Variants in ERBB4 observed in about 807,000 individuals in gnomAD.
ERBB4 encodes erb-b2 receptor tyrosine kinase 4.
In ERBB4, 42 loss-of-function variants were observed where a neutral mutation model predicts 158.0. That is an observed-to-expected ratio of 0.27 (90% CI 0.21 to 0.34). The LOEUF is 0.34. Among genes scored for constraint, ERBB4 ranks in the 10% least tolerant of loss-of-function variants. The pLI, the probability that ERBB4 is intolerant of heterozygous loss-of-function variation, is 1.00. For synonymous variants in ERBB4, 583 were observed against 558.7 expected (o/e 1.04, Z -0.61); for missense variants, 1,333 against 1,624.1 (o/e 0.82, Z 3.08).
At position 211,381,778 on chromosome 2, in the gene ERBB4, A is replaced by G; in HGVS notation, c.*1837T>C. On this transcript the variant is annotated 3_prime_UTR_variant, in exon 28 of 28. Transcript: ENST00000342788. The stretch of plus-strand genomic sequence containing the variant: ...TTAATAGATATTTTTACTCTAATTA[A>G]TTAATCTTATACTATTGATTCTAAT... 1 of 230,592 alleles carries G rather than the reference A, an allele frequency of 4.3e-6. No homozygotes were observed. The highest frequency in any genetic ancestry group is 5.6e-5 in the Admixed American group (1 of 17,722). The allele number at this position is 230,592 out of a possible 1,614,324, so 14.3% of individuals were successfully genotyped here. A position where few individuals can be genotyped will look rare whatever the true frequency, so the allele number is the denominator to read the frequency against.
intron 1 of ERBB4, among the ~76,000 whole-genome samples, chr2:212,127,397 C>T (rs2079968661): frequency 6.6e-6 from 1 of 152,130 alleles, no homozygotes; most frequent in Non-Finnish European, 1.5e-5. Flanking sequence ...TCGAGACCAT[C>T]CTGGTCAACA....
intron 1 of ERBB4, among the ~76,000 whole-genome samples, chr2:212,411,321 C>A (rs2091492317): frequency 6.6e-6 from 1 of 152,066 alleles, no homozygotes; most frequent in East Asian, 1.9e-4. Flanking sequence ...ATCTTAATAA[C>A]TTTTTTCTAC....
chr2:212,525,104 C>T (rs1190280720), intron 1 of ERBB4, among the ~76,000 whole-genome samples: 1 of 151,906 alleles, frequency 6.6e-6, no homozygotes, highest in Non-Finnish European at 1.5e-5. Context: ...AATATTAATC[C>T]TGGTATGGAA....
At chr2:211,867,382 C>T (rs2078236795) in intron 3 of ERBB4, among the ~76,000 whole-genome samples, 1 of 151,954 alleles carries the variant, frequency 6.6e-6, no homozygotes, top group Admixed American at 6.6e-5. Context: ...TAGATCTGCA[C>T]AAAGCAAAAT....
chr2:211,388,050 A>G (rs906075378), intron 25 of ERBB4, 58 bp from the exon 26 acceptor site: 19 of 1,325,306 alleles, frequency 1.4e-5, no homozygotes, highest in Non-Finnish European at 1.8e-5. Flanking sequence ...GAATGAAAAA[A>G]TTAAAAAAAG....
chr2:211,824,511 T>G (rs1009275775), intron 3 of ERBB4, among the ~76,000 whole-genome samples: 2 of 152,158 alleles, frequency 1.3e-5, no homozygotes, highest in African/African-American at 4.8e-5. Flanking sequence ...ATTACTTCTT[T>G]TTAAGTTAAA....
At chr2:212,489,030 CA>C (rs1479163668) in intron 1 of ERBB4, among the ~76,000 whole-genome samples, 1 of 150,138 alleles carries the variant, frequency 6.7e-6, no homozygotes, top group African/African-American at 2.5e-5. Context: ...GTATGGTAGG[CA>C]ATTGATAAAA....
chr2:212,497,215 T>C (rs941585427), intron 1 of ERBB4, among the ~76,000 whole-genome samples: 4 of 151,852 alleles, frequency 2.6e-5, no homozygotes, highest in African/African-American at 7.2e-5. Context: ...TTTTTAAAAG[T>C]TAAACAAATT....
chr2:211,705,141 G>C (rs1167940154), intron 10 of ERBB4, among the ~76,000 whole-genome samples, 177 bp downstream of exon 10: 1 of 151,924 alleles, frequency 6.6e-6, no homozygotes, highest in Non-Finnish European at 1.5e-5. Context: ...ATTTTTAGTA[G>C]AGACAGGGTT....
chr2:212,310,597 A>G (rs2086995605), intron 1 of ERBB4, among the ~76,000 whole-genome samples: 2 of 122,742 alleles, frequency 1.6e-5, no homozygotes, highest in Admixed American at 1.9e-4. Flanking sequence ...TTTGAGCTTC[A>G]TATATATGTA....
intron 2 of ERBB4, among the ~76,000 whole-genome samples, chr2:211,966,162 C>T (rs546632142): frequency 6.6e-6 from 1 of 152,080 alleles, no homozygotes; most frequent in Non-Finnish European, 1.5e-5. Context: ...TGCAGTGAGC[C>T]GTTTTCACGC....
chr2:212,057,790 G>A (rs1357596055), intron 2 of ERBB4, among the ~76,000 whole-genome samples: 4 of 152,134 alleles, frequency 2.6e-5, no homozygotes, highest in Admixed American at 2.0e-4. Flanking sequence ...AGTGTGTAGA[G>A]GGAAATTTAT....
At chr2:211,570,863 T>C (rs2067703930) in intron 19 of ERBB4, among the ~76,000 whole-genome samples, 1 of 152,116 alleles carries the variant, frequency 6.6e-6, no homozygotes, top group African/African-American at 2.4e-5. Context: ...CAAATTACTC[T>C]GGAAAATGTC....
intron 2 of ERBB4, among the ~76,000 whole-genome samples, chr2:211,962,690 G>A (rs770079628): frequency 6.6e-6 from 1 of 152,174 alleles, no homozygotes; most frequent in African/African-American, 2.4e-5. Flanking sequence ...GCGGAAGGCA[G>A]TGAATACAAA....
intron 3 of ERBB4, among the ~76,000 whole-genome samples, chr2:211,816,540 C>CAAA (rs34323414): frequency 0.03 from 1,964 of 65,866 alleles, 62 homozygotes; most frequent in African/African-American, 0.033. Flanking sequence ...GAGCCCGTCT[C>CAAA]AAAAAAAAAA....
At chr2:212,446,597 ATAT>A (rs1560347147) in intron 1 of ERBB4, among the ~76,000 whole-genome samples, 3 of 17,200 alleles carry the variant, frequency 1.7e-4, no homozygotes, top group Non-Finnish European at 3.0e-4. Flanking sequence ...ATATGTATAT[ATAT>A]ATATATATAT....
In ERBB4 at chr2:212,168,511, T is replaced by G. The variant is rs138434783; in HGVS notation, c.83-43608A>C. ...CTAAGAGCTGTGGGAGAGAAAGACATACATTTCATAATTCCAGATTCTTAA... is the reference window on the plus strand; with the variant it reads ...CTAAGAGCTGTGGGAGAGAAAGACAGACATTTCATAATTCCAGATTCTTAA... On this transcript the variant is annotated intron_variant, in intron 1 of 27. Transcript: ENST00000342788. Among the ~76,000 whole-genome samples, 281 of 152,256 alleles carry G rather than the reference T, an allele frequency of 1.8e-3. 1 individual carries two copies. The highest frequency in any genetic ancestry group is 2.8e-3 in the Non-Finnish European group (192 of 68,020).
intron 7 of ERBB4, among the ~76,000 whole-genome samples, chr2:211,719,022 C>T (rs1410187424): frequency 6.6e-6 from 1 of 152,192 alleles, no homozygotes; most frequent in Non-Finnish European, 1.5e-5. Context: ...ATGTTTCCTC[C>T]AGGGTCATTT....
intron 2 of ERBB4, among the ~76,000 whole-genome samples, chr2:212,103,215 G>A (rs2079132674): frequency 6.6e-6 from 1 of 152,146 alleles, no homozygotes; most frequent in Non-Finnish European, 1.5e-5. Context: ...TTTGCTTGGG[G>A]CATTTGTTAC....
Sources: gnomAD v4.1 joint callset for allele counts (sites outside exome capture counted in the v4.1 genomes callset) on GRCh38, gnomAD v4.1.1 for gene constraint, MANE v1.5 for transcripts, NCBI Gene and HGNC (gene_info 2026-07-23, HGNC 2026-07-21) for gene names.